MDGA2: variants seen among roughly 807,000 people sequenced by gnomAD.
MDGA2 encodes the protein MAM domain containing glycosylphosphatidylinositol anchor 2.
Under a neutral mutation model 117.8 loss-of-function variants are expected in MDGA2, and 40 were observed. That is an observed-to-expected ratio of 0.34 (90% CI 0.26 to 0.44). MDGA2 has a LOEUF of 0.44. Among genes scored for constraint, MDGA2 ranks in the 20% least tolerant of loss-of-function variants. The pLI is 1.00. For synonymous variants in MDGA2, 452 were observed against 439.0 expected, an observed-to-expected ratio of 1.03 and a Z score of -0.37; for missense variants, 1,123 against 1,250.6, an observed-to-expected ratio of 0.90 and a Z score of 1.54.
chr14:46,997,540 G>A (rs780995346), intron 8 of MDGA2, among the ~76,000 whole-genome samples: 3 of 152,110 alleles, frequency 2.0e-5, no homozygotes, highest in Non-Finnish European at 2.9e-5. Flanking sequence ...CTTAAAATGA[G>A]CAGTACTAAG....
rs556088257 is a variant in MDGA2, at chr14:47,469,312, G to A, written c.281-167762C>T. 5.7e-4 allele frequency among the ~76,000 whole-genome samples: 87 copies of A among 151,814 alleles called. 1 individual carries two copies. The East Asian group carries it at 6.6e-3, about 12-fold the overall frequency. On this transcript the variant is annotated intron_variant, in intron 1 of 16. Transcript: ENST00000399232. ...CTAATGCTATCCCTCCCCACTCCCC[G>A]ACCCCACAACAGGCCCTGGTGTGTG...
intron 1 of MDGA2, among the ~76,000 whole-genome samples, chr14:47,352,735 A>C (rs1890911040): frequency 6.6e-6 from 1 of 152,204 alleles, no homozygotes; most frequent in African/African-American, 2.4e-5. Flanking sequence ...CTACATTTCA[A>C]TATCTCCCAT....
At chr14:47,436,690 G>T (rs1457200339) in intron 1 of MDGA2, among the ~76,000 whole-genome samples, 4 of 152,038 alleles carry the variant, frequency 2.6e-5, no homozygotes, top group African/African-American at 7.2e-5. Context: ...AGCTGATGAG[G>T]TAAAAAAATC....
intron 1 of MDGA2, among the ~76,000 whole-genome samples, chr14:47,549,170 G>A (rs1474338866): frequency 6.6e-6 from 1 of 152,102 alleles, no homozygotes; most frequent in African/African-American, 2.4e-5. Context: ...GGAAGCTGCT[G>A]GTTGGTAAGG....
At chr14:47,665,878 C>G (rs1490104949) in intron 1 of MDGA2, among the ~76,000 whole-genome samples, 1 of 143,060 alleles carries the variant, frequency 7.0e-6, no homozygotes, top group African/African-American at 2.6e-5. Context: ...CTCAGCCTCC[C>G]TGAGGAGCGC....
chr14:47,190,415 C>A (rs1885065694), intron 3 of MDGA2, among the ~76,000 whole-genome samples: 1 of 152,116 alleles, frequency 6.6e-6, no homozygotes, highest in Non-Finnish European at 1.5e-5. Flanking sequence ...AACACATTGA[C>A]CTTCAAGGTA....
chr14:46,944,074 T>G (rs964591091), intron 9 of MDGA2, among the ~76,000 whole-genome samples: 2 of 152,052 alleles, frequency 1.3e-5, no homozygotes, highest in Admixed American at 6.6e-5. Context: ...ATCCTCTTCA[T>G]TTATTTTTAT....
chr14:47,347,240 C>T (rs1713456076), intron 1 of MDGA2, among the ~76,000 whole-genome samples: 1 of 152,118 alleles, frequency 6.6e-6, no homozygotes, highest in African/African-American at 2.4e-5. Context: ...TAAAAGCAAT[C>T]ACACGTAACG....
chr14:47,027,592 GTA>G (rs1230423884), intron 8 of MDGA2, among the ~76,000 whole-genome samples: 39 of 149,360 alleles, frequency 2.6e-4, no homozygotes, highest in Non-Finnish European at 8.9e-5. Flanking sequence ...TTCAGATAAT[GTA>G]TAGTCAATTG....
chr14:47,561,106 A>G (rs947622812), intron 1 of MDGA2, among the ~76,000 whole-genome samples: 1 of 137,586 alleles, frequency 7.3e-6, no homozygotes, highest in Admixed American at 7.7e-5. Flanking sequence ...CCTATAGTAT[A>G]GTTTGAAATA....
chr14:46,888,149 TGTATACTTCAGCA>T (rs1281967996), intron 10 of MDGA2, among the ~76,000 whole-genome samples: 2 of 152,022 alleles, frequency 1.3e-5, no homozygotes, highest in African/African-American at 4.8e-5. Context: ...GTAATGAAAG[TGTATACTTCAGCA>T]GTTGGCAGAA....
At chr14:47,218,256 A>G (rs1886173036) in intron 2 of MDGA2, 61 bp from the exon 3 acceptor site, 1 of 1,379,126 alleles carries the variant, frequency 7.3e-7, no homozygotes, top group Admixed American at 2.6e-5. Flanking sequence ...GAAATCAAAT[A>G]GCAATCACTC....
At chr14:47,145,171 T>A (rs1489130871) in intron 3 of MDGA2, among the ~76,000 whole-genome samples, 1 of 152,146 alleles carries the variant, frequency 6.6e-6, no homozygotes, top group Admixed American at 6.5e-5. Flanking sequence ...ATATTGGAAC[T>A]AATTATGTGT....
At chr14:47,338,234 A>C (rs1047208805) in intron 1 of MDGA2, among the ~76,000 whole-genome samples, 3 of 151,808 alleles carry the variant, frequency 2.0e-5, no homozygotes, top group Non-Finnish European at 1.5e-5. Context: ...ATTTTATTTG[A>C]TATGGTCTGC....
At chr14:47,361,053 T>G (rs1449663087) in intron 1 of MDGA2, among the ~76,000 whole-genome samples, 1 of 152,080 alleles carries the variant, frequency 6.6e-6, no homozygotes, top group African/African-American at 2.4e-5. Context: ...AATAAAAATT[T>G]GCTAGGAGAG....
chr14:47,437,857 T>C (rs1892928793), intron 1 of MDGA2, among the ~76,000 whole-genome samples: 1 of 152,172 alleles, frequency 6.6e-6, no homozygotes, highest in African/African-American at 2.4e-5. Flanking sequence ...TAATGAGCTC[T>C]AGCACTAGTT....
chr14:47,149,234 G>C lies in MDGA2; in HGVS notation c.596-4960C>G, dbSNP rs1167466670. 3.3e-5 allele frequency among the ~76,000 whole-genome samples: 5 copies of C among 152,102 alleles called. 1 individual carries two copies. Among genetic ancestry groups the C allele is most frequent in the Non-Finnish European group, 7.4e-5 (5 of 68,016 alleles). Reference sequence around the variant, plus strand: ...GAACCCGGGAGGTGAAGGTTGCAGTGAGCCAAGATCACACCACTGCACTCC... The same window carrying C: ...GAACCCGGGAGGTGAAGGTTGCAGTCAGCCAAGATCACACCACTGCACTCC... On this transcript the variant is annotated intron_variant, in intron 3 of 16. Coordinates refer to ENST00000399232, the MANE Select transcript of MDGA2 (RefSeq NM_001113498.3).
chr14:47,077,663 A>G (rs1890544823), intron 6 of MDGA2, among the ~76,000 whole-genome samples: 1 of 152,074 alleles, frequency 6.6e-6, no homozygotes, highest in Non-Finnish European at 1.5e-5. Flanking sequence ...AGAAGCAATG[A>G]TAATATCCAG....
intron 1 of MDGA2, among the ~76,000 whole-genome samples, chr14:47,389,741 G>C (rs12878294): frequency 0.26 from 39,888 of 151,998 alleles, 5,574 homozygotes; most frequent in Middle Eastern, 0.41. Context: ...GTGAAAAAAG[G>C]GGGGAGGGAT....
Sources: gnomAD v4.1 joint callset for allele counts (sites outside exome capture counted in the v4.1 genomes callset) on GRCh38, gnomAD v4.1.1 for gene constraint, MANE v1.5 for transcripts, NCBI Gene and HGNC (gene_info 2026-07-23, HGNC 2026-07-21) for gene names.